Variants in SYK observed in about 807,000 individuals in gnomAD.
SYK encodes spleen associated tyrosine kinase.
In SYK, 16 loss-of-function variants were observed where a neutral mutation model predicts 77.8. That is an observed-to-expected ratio of 0.21 (90% CI 0.14 to 0.31). The LOEUF (loss-of-function observed/expected upper bound fraction) is 0.31, where lower values mean the gene tolerates loss of function less well. Ranked by LOEUF, SYK falls within the 10% of genes least tolerant of loss-of-function variation. The pLI, the probability that SYK is intolerant of heterozygous loss-of-function variation, is 1.00. For synonymous variants in SYK, 312 were observed against 308.7 expected (o/e 1.01, Z -0.11); for missense variants, 529 against 814.4 (o/e 0.65, Z 4.26).
chr9:90,810,627 C>A (rs78304883), intron 1 of SYK, among the ~76,000 whole-genome samples: 153 of 152,220 alleles, frequency 1.0e-3, no homozygotes, highest in Middle Eastern at 6.8e-3. Context: ...TGTCTAAGGC[C>A]CCTGAAATGA....
At chr9:90,827,692 C>T in intron 1 of SYK, 1 of 152,366 alleles carries the variant, frequency 6.6e-6, no homozygotes, top group Non-Finnish European at 1.5e-5. Context: ...ATCTGCGTTT[C>T]CTCTCCTCTG....
At chr9:90,877,231 G>A (rs1001290337) in intron 9 of SYK, among the ~76,000 whole-genome samples, 1 of 151,954 alleles carries the variant, frequency 6.6e-6, no homozygotes, top group South Asian at 2.1e-4. Flanking sequence ...TTTTAGAGAT[G>A]GGGGTCTCAC....
chr9:90,862,134 G>A, intron 3 of SYK, 72 bp from the exon 4 acceptor site: 4 of 1,510,076 alleles, frequency 2.6e-6, no homozygotes, highest in Admixed American at 2.0e-5. Flanking sequence ...TTCAGGCCAG[G>A]GTGCTTCCTC....
At chr9:90,864,446 G>A (rs1183966528) in intron 4 of SYK, 143 bp from the exon 5 acceptor site, 2 of 688,650 alleles carry the variant, frequency 2.9e-6, no homozygotes, top group South Asian at 4.0e-5. Context: ...AGCCACCCTT[G>A]TGGAGTGGAC....
intron 3 of SYK, among the ~76,000 whole-genome samples, chr9:90,847,795 G>C (rs1310850320): frequency 6.6e-6 from 1 of 152,158 alleles, no homozygotes; most frequent in Admixed American, 6.5e-5. Flanking sequence ...TACACACCAC[G>C]TACACCGCAC....
In SYK at chr9:90,865,084, G is replaced by A. The variant is rs757842806; in HGVS notation, c.833G>A (p.Gly278Asp). ...TTTGGAGGCCGTCCACAACTTCCAG[G>A]TTCCCATCCTGCGGTAAGTGTCACT... ...VNFGGRPQLP[G>D]SHPATWSAGG... The change falls in exon 6 of 14, where the codon GGT becomes GAT. Residue 278 changes from glycine to aspartate, a missense_variant. Around this residue, in one of 2 missense-constraint regions of SYK, gnomAD observed 321 missense variants for 433.1 expected, o/e 0.74. Coordinates refer to ENST00000375754, the MANE Select transcript of SYK (RefSeq NM_003177.7). The A allele has an allele frequency of 6.2e-7, 1 of 1,614,096 alleles. No homozygotes were observed. Among genetic ancestry groups the A allele is most frequent in the South Asian group, 1.1e-5 (1 of 91,080 alleles).
At chr9:90,810,836 G>A (rs1286956444) in intron 1 of SYK, among the ~76,000 whole-genome samples, 1 of 152,210 alleles carries the variant, frequency 6.6e-6, no homozygotes, top group African/African-American at 2.4e-5. Context: ...ATTGTAAAGT[G>A]AAGCTGCTGT....
chr9:90,822,322 G>A (rs186269704), intron 1 of SYK, among the ~76,000 whole-genome samples: 4 of 152,238 alleles, frequency 2.6e-5, no homozygotes, highest in African/African-American at 9.6e-5. Context: ...TTGGGCTCCT[G>A]TGATGTGACT....
chr9:90,864,674 T>TC lies in SYK; in HGVS notation c.796+10dup. The stretch of plus-strand genomic sequence containing the variant: ...CAAAAAATCGGCACACAGGGTGAGT[T>TC]CCCAAGACACTGGAGTCTCAGTGTT... On this transcript the variant is annotated splice_region_variant and intron_variant, in intron 5 of 13. Coordinates refer to ENST00000375754, the MANE Select transcript of SYK (RefSeq NM_003177.7). 6.2e-7 allele frequency: 1 copy of TC among 1,612,404 alleles called. No homozygotes were observed. Among genetic ancestry groups the TC allele is most frequent in the Non-Finnish European group, 8.5e-7 (1 of 1,178,392 alleles).
intron 3 of SYK, among the ~76,000 whole-genome samples, chr9:90,849,163 A>T (rs1305250353): frequency 3.3e-5 from 5 of 152,230 alleles, no homozygotes; most frequent in African/African-American, 1.2e-4. Flanking sequence ...GCCAGCTGAC[A>T]TTCGGTGGGC....
chr9:90,862,483 G>A, intron 4 of SYK, 139 bp downstream of exon 4: 1 of 1,055,172 alleles, frequency 9.5e-7, no homozygotes, highest in Non-Finnish European at 1.3e-6. Context: ...TAGCTCTGGA[G>A]CTCATGAGAA....
At position 90,897,427 on chromosome 9, in the gene SYK, C is replaced by G. The variant is rs1829032801; in HGVS notation, c.*1827C>G. ...AAATATCTGTCAGCCAGGCCACAAA[C>G]AGGTGTAAAATTATGAAAGGAGTGG... On this transcript the variant is annotated 3_prime_UTR_variant, in exon 14 of 14. Transcript: ENST00000375754. 8.6e-6 allele frequency: 2 copies of G among 232,122 alleles called. No individual in the cohort carries two copies. Among genetic ancestry groups the G allele is most frequent in the Admixed American group, 1.1e-4 (2 of 17,748 alleles). The allele number at this position is 232,122 out of a possible 1,614,324, so 14.4% of individuals were successfully genotyped here.
chr9:90,867,223 T>C (rs1032969713), intron 7 of SYK, 24 bp downstream of exon 7: 1 of 1,613,704 alleles, frequency 6.2e-7, no homozygotes, highest in Non-Finnish European at 8.5e-7. Context: ...CCCTGCTTGC[T>C]GTCCAACTAA....
chr9:90,876,425 A>G (rs1349558234), intron 9 of SYK, among the ~76,000 whole-genome samples: 1 of 152,216 alleles, frequency 6.6e-6, no homozygotes, highest in Non-Finnish European at 1.5e-5. Context: ...AAACATACAC[A>G]CATATGTATA....
intron 6 of SYK, among the ~76,000 whole-genome samples, chr9:90,866,188 C>G (rs1449062202): frequency 6.6e-6 from 1 of 152,194 alleles, no homozygotes; most frequent in Non-Finnish European, 1.5e-5. Context: ...CGTGAGCCAC[C>G]GTGCCCGGCC....
intron 13 of SYK, among the ~76,000 whole-genome samples, chr9:90,890,959 GGTTCTTCC>G (rs1245154281): frequency 6.6e-6 from 1 of 152,124 alleles, no homozygotes; most frequent in African/African-American, 2.4e-5. Flanking sequence ...GCTCCCAAGT[GGTTCTTCC>G]GGCTCCGTGT....
intron 1 of SYK, among the ~76,000 whole-genome samples, chr9:90,817,797 T>A (rs1261602020): frequency 3.3e-5 from 5 of 151,328 alleles, no homozygotes; most frequent in Admixed American, 6.6e-5. Context: ...TGGAAGGGCC[T>A]TGGATGTGTT....
At chr9:90,849,610 G>A (rs188178269) in intron 3 of SYK, among the ~76,000 whole-genome samples, 1 of 152,330 alleles carries the variant, frequency 6.6e-6, no homozygotes, top group African/African-American at 2.4e-5. Context: ...CAGGGACACA[G>A]CAATAGATAT....
At chr9:90,849,644 C>A (rs1040669252) in intron 3 of SYK, among the ~76,000 whole-genome samples, 2 of 152,172 alleles carry the variant, frequency 1.3e-5, no homozygotes, top group African/African-American at 4.8e-5. Context: ...CATGACACTG[C>A]GCACTCTATG....
Sources: gnomAD v4.1 joint callset for allele counts (sites outside exome capture counted in the v4.1 genomes callset) on GRCh38, gnomAD v4.1.1 for gene constraint, gnomAD v4.1.1 regional missense constraint, MANE v1.5 for transcripts, NCBI Gene and HGNC (gene_info 2026-07-23, HGNC 2026-07-21) for gene names.